GABRB2: variants seen among roughly 807,000 people sequenced by gnomAD.
GABRB2 encodes the protein gamma-aminobutyric acid receptor subunit beta-2.
In GABRB2, 16 loss-of-function variants were observed where a neutral mutation model predicts 54.7. That is an observed-to-expected ratio of 0.29 (90% CI 0.20 to 0.44). GABRB2 has a LOEUF of 0.44. GABRB2 is among the 20% of genes least tolerant of loss of function. The pLI, the probability that GABRB2 is intolerant of heterozygous loss-of-function variation, is 1.00. For missense variants in GABRB2, 355 were observed against 644.0 expected (o/e 0.55, Z 4.86); for synonymous variants, 244 against 233.8 (o/e 1.04, Z -0.40).
chr5:161,405,809 A>G (rs188135128), intron 5 of GABRB2, among the ~76,000 whole-genome samples: 1 of 152,072 alleles, frequency 6.6e-6, no homozygotes, highest in African/African-American at 2.4e-5. Context: ...TGGATGTAAT[A>G]CCTCAAATGC....
rs1258269767 is a variant in GABRB2 at position 161,481,363 on chromosome 5, G to A, written c.238-21519C>T. ...ATTTTCAGTACTTTCTCTTCAATAG[G>A]CCTCCTTCTAATTATTACTCATACG... On this transcript the variant is annotated intron_variant, in intron 3 of 9. Coordinates refer to ENST00000393959, the MANE Select transcript of GABRB2 (RefSeq NM_001371727.1). Among the ~76,000 whole-genome samples the A allele has an allele frequency of 3.9e-5, 6 of 152,034 alleles. No individual in the cohort carries two copies. The East Asian group carries it at 1.2e-3, about 30-fold the overall frequency.
chr5:161,386,079 A>G (rs528995140), intron 5 of GABRB2, among the ~76,000 whole-genome samples: 2 of 152,054 alleles, frequency 1.3e-5, no homozygotes, highest in East Asian at 1.9e-4. Flanking sequence ...ATTGACCACT[A>G]GACAGTTTCC....
At chr5:161,337,910 G>A (rs761323346) in intron 5 of GABRB2, among the ~76,000 whole-genome samples, 3 of 152,108 alleles carry the variant, frequency 2.0e-5, no homozygotes, top group Non-Finnish European at 4.4e-5. Flanking sequence ...AGACAGGCAA[G>A]GTGGACATTG....
intron 9 of GABRB2, among the ~76,000 whole-genome samples, chr5:161,300,148 A>G (rs1757495663): frequency 6.6e-6 from 1 of 152,170 alleles, no homozygotes; most frequent in Non-Finnish European, 1.5e-5. Context: ...GATTGACAGG[A>G]CCTTTTACAT....
intron 3 of GABRB2, among the ~76,000 whole-genome samples, chr5:161,462,138 TC>T (rs1170008301): frequency 3.3e-5 from 5 of 152,168 alleles, no homozygotes; most frequent in African/African-American, 1.2e-4. Context: ...CAAACTTCTA[TC>T]CTATCAAAAG....
At chr5:161,503,709 CAAAAAAAA>C (rs33992062) in intron 3 of GABRB2, among the ~76,000 whole-genome samples, 3 of 91,692 alleles carry the variant, frequency 3.3e-5, no homozygotes, top group East Asian at 6.9e-4. Context: ...AATTCCTTCT[CAAAAAAAA>C]AAAAAAAAAA....
At chr5:161,489,208 G>C (rs529097073) in intron 3 of GABRB2, among the ~76,000 whole-genome samples, 1 of 151,678 alleles carries the variant, frequency 6.6e-6, no homozygotes, top group East Asian at 2.0e-4. Flanking sequence ...CCTAGTTTTT[G>C]CTTAAACTGT....
intron 3 of GABRB2, among the ~76,000 whole-genome samples, chr5:161,484,283 C>T (rs929273761): frequency 2.0e-5 from 3 of 151,942 alleles, no homozygotes; most frequent in African/African-American, 7.2e-5. Flanking sequence ...CAGGTATCTA[C>T]CATTCACTCT....
chr5:161,451,718 T>C (rs1383247264), intron 4 of GABRB2, among the ~76,000 whole-genome samples: 1 of 152,154 alleles, frequency 6.6e-6, no homozygotes, highest in Non-Finnish European at 1.5e-5. Context: ...GAGGGTTTTA[T>C]TGACGTGACA....
At chr5:161,397,876 T>C (rs1004298587) in intron 5 of GABRB2, among the ~76,000 whole-genome samples, 1 of 152,190 alleles carries the variant, frequency 6.6e-6, no homozygotes, top group Non-Finnish European at 1.5e-5. Context: ...TCACATCTTA[T>C]TAGCTGTGTG....
At chr5:161,513,942 A>G (rs115899060) in intron 3 of GABRB2, among the ~76,000 whole-genome samples, 2,187 of 152,238 alleles carry the variant, frequency 0.014, 57 homozygotes, top group African/African-American at 0.049. Flanking sequence ...TATTACTAAA[A>G]TTTAGCTTCC....
intron 9 of GABRB2, among the ~76,000 whole-genome samples, chr5:161,308,022 C>T (rs1301288295): frequency 2.6e-5 from 4 of 151,922 alleles, no homozygotes; most frequent in African/African-American, 9.7e-5. Flanking sequence ...CCACACCCGG[C>T]TAATTTTTTT....
intron 8 of GABRB2, chr5:161,329,348 C>T (rs1211509071): frequency 7.6e-6 from 1 of 131,658 alleles, no homozygotes; most frequent in Non-Finnish European, 1.7e-5. Flanking sequence ...CCTGAGAGAA[C>T]CATAATGGTA....
At chr5:161,316,489 T>A in intron 9 of GABRB2, among the ~76,000 whole-genome samples, 1 of 152,230 alleles carries the variant, frequency 6.6e-6, no homozygotes, top group Non-Finnish European at 1.5e-5. Context: ...CTGTTCAGGC[T>A]TAACTATTCT....
At chr5:161,393,299 T>TAAAAAAAAAAAAAAAAAAAAA (rs533308700) in intron 5 of GABRB2, among the ~76,000 whole-genome samples, 1 of 40,248 alleles carries the variant, frequency 2.5e-5, no homozygotes, top group Non-Finnish European at 4.6e-5. Context: ...TTTAAAAATG[T>TAAAAAAAAAAAAAAAAAAAAA]AAAAAAAAAA....
At chr5:161,507,933 C>A (rs529732178) in intron 3 of GABRB2, among the ~76,000 whole-genome samples, 1 of 152,020 alleles carries the variant, frequency 6.6e-6, no homozygotes, top group South Asian at 2.1e-4. Context: ...TTTTGAAGAA[C>A]AGTTTGGCAG....
chr5:161,472,773 G>A (rs1167850110), intron 3 of GABRB2, among the ~76,000 whole-genome samples: 1 of 151,838 alleles, frequency 6.6e-6, no homozygotes, highest in East Asian at 1.9e-4. Flanking sequence ...AATTCAACTG[G>A]AGAAATATGT....
chr5:161,490,958 TG>T (rs1320813748), intron 3 of GABRB2, among the ~76,000 whole-genome samples: 1 of 151,726 alleles, frequency 6.6e-6, no homozygotes, highest in Non-Finnish European at 1.5e-5. Context: ...ATTACTGTTC[TG>T]GGAGGGTTCT....
intron 4 of GABRB2, among the ~76,000 whole-genome samples, chr5:161,454,425 C>T (rs1293853383): frequency 4.6e-5 from 7 of 152,186 alleles, no homozygotes; most frequent in African/African-American, 1.4e-4. Context: ...TCTAGACATG[C>T]CTGGCCTAGG....
Sources: allele counts gnomAD v4.1 joint callset (sites outside exome capture counted in the v4.1 genomes callset), GRCh38; gene constraint gnomAD v4.1.1; transcripts MANE v1.5; gene names NCBI Gene and HGNC (gene_info 2026-07-23, HGNC 2026-07-21).